SORBS2: variants seen among roughly 807,000 people sequenced by gnomAD.
SORBS2 encodes sorbin and SH3 domain-containing protein 2.
In SORBS2, 46 loss-of-function variants were observed where a neutral mutation model predicts 97.7. That is an observed-to-expected ratio of 0.47 (90% CI 0.37 to 0.60). The LOEUF (loss-of-function observed/expected upper bound fraction) is 0.60. SORBS2 is among the 20% of genes least tolerant of loss of function. SORBS2 has a pLI of 0.00. For missense variants in SORBS2, 1,316 were observed against 1,282.3 expected, an observed-to-expected ratio of 1.03 and a Z score of -0.40; for synonymous variants, 476 against 473.4, an observed-to-expected ratio of 1.01 and a Z score of -0.07.
intron 2 of SORBS2, among the ~76,000 whole-genome samples, chr4:185,681,401 GA>G (rs35332490): frequency 0.13 from 18,537 of 138,266 alleles, 1,429 homozygotes; most frequent in African/African-American, 0.23. Flanking sequence ...ATATAGGTTA[GA>G]AAAAAAAAAA....
chr4:185,699,745 T>C (rs2098232200), intron 2 of SORBS2, among the ~76,000 whole-genome samples: 1 of 152,234 alleles, frequency 6.6e-6, no homozygotes, highest in Non-Finnish European at 1.5e-5. Context: ...CAGTGGATAG[T>C]TTATTACATT....
intron 2 of SORBS2, among the ~76,000 whole-genome samples, chr4:185,741,400 TTTTG>T (rs1583864454): frequency 8.7e-6 from 1 of 115,606 alleles, no homozygotes; most frequent in African/African-American, 3.4e-5. Context: ...TTTCTTTTTT[TTTTG>T]TTTTTTTTTT....
chr4:185,943,930 A>C (rs1243441252), intron 1 of SORBS2, among the ~76,000 whole-genome samples: 1 of 152,194 alleles, frequency 6.6e-6, no homozygotes, highest in Non-Finnish European at 1.5e-5. Context: ...ACATGTTAAT[A>C]ATTAAATCCA....
chr4:185,640,201 A>G (rs1024314481), intron 4 of SORBS2, among the ~76,000 whole-genome samples: 6 of 152,236 alleles, frequency 3.9e-5, no homozygotes, highest in African/African-American at 1.2e-4. Context: ...TCATAATTAT[A>G]AAGACTGTGT....
chr4:185,652,650 CA>C lies in SORBS2; in HGVS notation c.91+11del. Reference sequence around the variant, plus strand: ...ACAAGGACCTCATCAGAAAGCAGAGCAGCAGACATACCCGGCTTGTGCACCA... The same window carrying C: ...ACAAGGACCTCATCAGAAAGCAGAGCGCAGACATACCCGGCTTGTGCACCA... On this transcript the variant is annotated intron_variant, in intron 2 of 14. Coordinates refer to ENST00000418609, the Ensembl canonical transcript of SORBS2. 1.2e-6 allele frequency: 2 copies of C among 1,610,794 alleles called. No individual in the cohort carries two copies. The highest frequency in any genetic ancestry group is 1.7e-6 in the Non-Finnish European group (2 of 1,176,928).
Position 185,854,623 on chromosome 4 carries a change from A to C in SORBS2, c.-337-79257T>G, listed in dbSNP as rs139118327. On this transcript the variant is annotated intron_variant, in intron 1 of 20. Transcript: ENST00000284776. Reference sequence around the variant, plus strand: ...GTGAAATGAATCACAATGCTTTAATAGAATGAAATCTGTCTACTGTGAATC... The same window carrying C: ...GTGAAATGAATCACAATGCTTTAATCGAATGAAATCTGTCTACTGTGAATC... Among the ~76,000 whole-genome samples, 342 of 152,332 alleles carry C rather than the reference A, an allele frequency of 2.2e-3. 1 individual carries two copies. The highest frequency in any genetic ancestry group is 7.6e-3 in the African/African-American group (315 of 41,584).
At chr4:185,806,394 T>C (rs1201382123) in intron 1 of SORBS2, among the ~76,000 whole-genome samples, 1 of 150,974 alleles carries the variant, frequency 6.6e-6, no homozygotes. Context: ...CTTGTACTCT[T>C]AGAGGATCTT....
chr4:185,894,375 T>C (rs889274657), intron 1 of SORBS2: 2 of 151,970 alleles, frequency 1.3e-5, no homozygotes, highest in African/African-American at 4.8e-5. Context: ...ATTGGTTGGC[T>C]TCAGAAGTAA....
intron 1 of SORBS2, among the ~76,000 whole-genome samples, chr4:185,882,339 T>C (rs2149780603): frequency 6.6e-6 from 1 of 152,280 alleles, no homozygotes; most frequent in East Asian, 1.9e-4. Flanking sequence ...AAGTATTATG[T>C]AAAACAACAT....
chr4:185,598,512 C>T (rs1039708977), intron 12 of SORBS2, among the ~76,000 whole-genome samples: 3 of 152,028 alleles, frequency 2.0e-5, no homozygotes, highest in Non-Finnish European at 4.4e-5. Flanking sequence ...GTTGAAAAGC[C>T]GTCTAATTTA....
chr4:185,942,629 A>T (rs1034488788), intron 1 of SORBS2, among the ~76,000 whole-genome samples: 2 of 152,112 alleles, frequency 1.3e-5, no homozygotes, highest in Non-Finnish European at 2.9e-5. Flanking sequence ...GATTATAGGC[A>T]TGAGCCACCG....
At position 185,678,837 on chromosome 4, in the gene SORBS2, A is replaced by T. The variant is rs535739445; in HGVS notation, c.-197-15T>A. The T allele has an allele frequency of 3.3e-4, 481 of 1,439,426 alleles. 3 individuals are homozygous for T. The highest frequency in any genetic ancestry group is 3.0e-3 in the South Asian group (200 of 66,462). The allele number at this position is 1,439,426 out of a possible 1,614,324, so 89.2% of individuals were successfully genotyped here. A position where few individuals can be genotyped will look rare whatever the true frequency, so the allele number is the denominator to read the frequency against. ...AGAATCACGCCCTGAAAGAAAAAAA[A>T]ATGTTGAAATTAAGACTAAGGTGAA... On this transcript the variant is annotated splice_polypyrimidine_tract_variant and intron_variant, in intron 2 of 20. Coordinates refer to the SORBS2 transcript ENST00000284776.
At chr4:185,713,519 G>A (rs2098441617) in intron 2 of SORBS2, among the ~76,000 whole-genome samples, 1 of 152,192 alleles carries the variant, frequency 6.6e-6, no homozygotes, top group Non-Finnish European at 1.5e-5. Context: ...GAACCTATAA[G>A]GACGTTCAGT....
At chr4:185,945,965 G>C (rs1378130270) in intron 1 of SORBS2, among the ~76,000 whole-genome samples, 2 of 152,200 alleles carry the variant, frequency 1.3e-5, no homozygotes, top group East Asian at 3.8e-4. Flanking sequence ...AGGCTGTTGG[G>C]AGCTCGCATG....
intron 2 of SORBS2, among the ~76,000 whole-genome samples, chr4:185,694,706 C>CTTTCTTTTTTTTTTTTTTTTTTTT (rs1388020260): frequency 8.0e-6 from 1 of 124,246 alleles, no homozygotes; most frequent in African/African-American, 3.0e-5. Context: ...CCTTTTCTTT[C>CTTTCTTTTTTTTTTTTTTTTTTTT]TTTTCTTTTC....
intron 1 of SORBS2, among the ~76,000 whole-genome samples, chr4:185,786,369 T>A (rs977220155): frequency 1.3e-5 from 2 of 152,172 alleles, no homozygotes; most frequent in African/African-American, 4.8e-5. Flanking sequence ...TAGAGAAGAA[T>A]GGACTTTGTA....
intron 1 of SORBS2, among the ~76,000 whole-genome samples, 167 bp downstream of exon 1, chr4:185,811,497 T>C (rs992691236): frequency 6.6e-5 from 10 of 152,218 alleles, no homozygotes; most frequent in African/African-American, 1.4e-4. Context: ...GAAACAACTC[T>C]ATGTCTCTGA....
At chr4:185,638,347 C>A (rs536159212) in intron 4 of SORBS2, among the ~76,000 whole-genome samples, 185 bp from the exon 15 acceptor site, 2 of 152,182 alleles carry the variant, frequency 1.3e-5, no homozygotes, top group Non-Finnish European at 2.9e-5. Context: ...GATGTGAAGG[C>A]GAGCTCCATG....
intron 2 of SORBS2, among the ~76,000 whole-genome samples, chr4:185,683,702 C>A (rs1165806484): frequency 1.5e-5 from 2 of 134,926 alleles, no homozygotes; most frequent in Non-Finnish European, 3.1e-5. Context: ...ACTAGCCTGG[C>A]ATTTAAACTT....
Sources: gnomAD v4.1 joint callset for allele counts (sites outside exome capture counted in the v4.1 genomes callset) on GRCh38, gnomAD v4.1.1 for gene constraint, MANE v1.5 for transcripts, NCBI Gene and HGNC (gene_info 2026-07-23, HGNC 2026-07-21) for gene names.